The following STIMATE variants were observed in gnomAD, a reference collection of about 807,000 sequenced individuals.
STIMATE encodes the protein store-operated calcium entry regulator STIMATE.
In STIMATE, 15 loss-of-function variants were observed where a neutral mutation model predicts 36.7. That is an observed-to-expected ratio of 0.41 (90% confidence interval 0.27 to 0.63). The LOEUF is 0.63. STIMATE is among the 20% of genes least tolerant of loss of function. The pLI, the probability that STIMATE is intolerant of heterozygous loss-of-function variation, is 0.32. For missense variants in STIMATE, 305 were observed against 397.3 expected (o/e 0.77, Z 1.98); for synonymous variants, 163 against 162.3 (o/e 1.00, Z -0.03).
At chr3:52,880,259 C>T (rs1280110636) in intron 1 of STIMATE, among the ~76,000 whole-genome samples, 1 of 152,208 alleles carries the variant, frequency 6.6e-6, no homozygotes, top group Non-Finnish European at 1.5e-5. Flanking sequence ...CTGACGTGCT[C>T]TTCACCAAGC....
At chr3:52,896,244 A>G (rs1003378938) in intron 1 of STIMATE, among the ~76,000 whole-genome samples, 1 of 152,220 alleles carries the variant, frequency 6.6e-6, no homozygotes, top group Non-Finnish European at 1.5e-5. Context: ...TGAGTACCCC[A>G]AAGCATACTT....
At position 52,840,509 on chromosome 3, in the gene STIMATE, A is replaced by G. The variant is rs1285344938; in HGVS notation, c.870T>C (p.Phe290=). Residue 290 remains phenylalanine (F), a synonymous_variant, in exon 8 of 8, where the codon TTT becomes TTC. Coordinates refer to ENST00000355083, the MANE Select transcript of STIMATE (RefSeq NM_198563.5). ...LKPVKKKKHR[F]GLPV ...TGGGAATGTGTCATACGGGTAGCCC[A>G]AAGCGGTGCTTCTTTTTCTTCACAG... The G allele has an allele frequency of 6.2e-7, 1 of 1,613,904 alleles. No homozygotes were observed. The highest frequency in any genetic ancestry group is 8.5e-7 in the Non-Finnish European group (1 of 1,179,878).
chr3:52,864,283 C>T (rs942354887), intron 1 of STIMATE, among the ~76,000 whole-genome samples: 1 of 152,220 alleles, frequency 6.6e-6, no homozygotes, highest in African/African-American at 2.4e-5. Flanking sequence ...TCTGTGCACT[C>T]GCAGGCTCAA....
chr3:52,862,091 G>C (rs920314133), intron 1 of STIMATE, among the ~76,000 whole-genome samples: 1 of 152,118 alleles, frequency 6.6e-6, no homozygotes. Flanking sequence ...TAGCCAAGTT[G>C]TCTCCTGCCC....
chr3:52,880,557 G>A (rs531230163), intron 1 of STIMATE, among the ~76,000 whole-genome samples: 1 of 152,308 alleles, frequency 6.6e-6, no homozygotes, highest in Admixed American at 6.5e-5. Context: ...AGCAGAGAAC[G>A]AAGACTCAGC....
At chr3:52,853,992 C>T (rs1265811369) in intron 2 of STIMATE, among the ~76,000 whole-genome samples, 1 of 152,162 alleles carries the variant, frequency 6.6e-6, no homozygotes, top group African/African-American at 2.4e-5. Context: ...GAAGCTTTAC[C>T]ACCATTTCAC....
intron 1 of STIMATE, among the ~76,000 whole-genome samples, chr3:52,875,157 T>G (rs1230570613): frequency 6.6e-6 from 1 of 152,246 alleles, no homozygotes; most frequent in Non-Finnish European, 1.5e-5. Context: ...ATGTTCATTG[T>G]GTATGTTTCT....
At chr3:52,868,527 C>T (rs1192611443) in intron 1 of STIMATE, among the ~76,000 whole-genome samples, 3 of 152,290 alleles carry the variant, frequency 2.0e-5, no homozygotes, top group African/African-American at 7.2e-5. Context: ...TTCAGTTGTC[C>T]ACTTCATGGG....
chr3:52,842,646 A>G (rs1225619483), intron 7 of STIMATE, among the ~76,000 whole-genome samples, 165 bp downstream of exon 7: 2 of 152,198 alleles, frequency 1.3e-5, no homozygotes, highest in East Asian at 3.9e-4. Context: ...GGCTGGACAG[A>G]GCTGTCTGCC....
At chr3:52,852,786 A>G (rs1433488304) in intron 2 of STIMATE, 88 bp from the exon 3 acceptor site, 12 of 1,513,152 alleles carry the variant, frequency 7.9e-6, no homozygotes, top group Non-Finnish European at 1.1e-5. Context: ...AACAGGAAGA[A>G]AGCCACCCCA....
chr3:52,840,845 G>A (rs7638524), intron 7 of STIMATE, among the ~76,000 whole-genome samples: 37,930 of 151,830 alleles, frequency 0.25, 5,022 homozygotes, highest in Admixed American at 0.38. Context: ...TTACAGGTGC[G>A]TGGCACCATG....
At position 52,861,890 on chromosome 3, in the gene STIMATE, T is replaced by C. The variant is rs149279681; in HGVS notation, c.161-6446A>G. Among the ~76,000 whole-genome samples the C allele has an allele frequency of 7.2e-3, 1,090 of 152,266 alleles. 113 individuals carry two copies. The South Asian group carries it at 0.2, about 28-fold the overall frequency. On this transcript the variant is annotated intron_variant, in intron 1 of 7. Transcript: ENST00000355083. The stretch of plus-strand genomic sequence containing the variant: ...GCTCACCTCCCTGCCATCCTCTCAA[T>C]GCTCTGAATGTTCTCCTCTATCTCC...
chr3:52,840,563 C>G lies in STIMATE; in HGVS notation c.816G>C (p.Glu272Asp), dbSNP rs747742476. 1.9e-6 allele frequency: 3 copies of G among 1,614,054 alleles called. No individual in the cohort carries two copies. The highest frequency in any genetic ancestry group is 2.5e-6 in the Non-Finnish European group (3 of 1,180,002). Residue 272 changes from glutamate (E) to aspartate (D), a missense_variant, in exon 8 of 8, where the codon GAG (glutamate) becomes GAC (aspartate). Glu to Asp is a conservative substitution (Grantham distance 45, BLOSUM62 2). Coordinates refer to ENST00000355083, the MANE Select transcript of STIMATE (RefSeq NM_198563.5). ...TGAGGGGGGTCAGTCTGCGGAGGTC[C>G]TCCTCCACGTCGGACTCCTCCATCT... is the stretch of plus-strand genomic sequence containing the variant. Reference protein sequence around the residue: ...DDEMEESDVEEDLRRLTPLKP... With the variant: ...DDEMEESDVEDDLRRLTPLKP...
At chr3:52,893,213 G>C (rs566974277) in intron 1 of STIMATE, among the ~76,000 whole-genome samples, 1 of 152,234 alleles carries the variant, frequency 6.6e-6, no homozygotes, top group Non-Finnish European at 1.5e-5. Flanking sequence ...ACTATGGACT[G>C]GATATGAGAT....
chr3:52,877,691 C>T (rs187422216), intron 1 of STIMATE, among the ~76,000 whole-genome samples: 145 of 152,326 alleles, frequency 9.5e-4, no homozygotes, highest in African/African-American at 3.2e-3. Context: ...GGTTGTGTGA[C>T]GTGGCGGCCA....
intron 1 of STIMATE, among the ~76,000 whole-genome samples, chr3:52,860,340 C>T (rs1701196855): frequency 1.3e-5 from 2 of 151,766 alleles, no homozygotes; most frequent in South Asian, 2.1e-4. Flanking sequence ...AGGGCTGGCA[C>T]GTGGGGTCTG....
chr3:52,859,024 T>G (rs1177822557), intron 1 of STIMATE, among the ~76,000 whole-genome samples: 3 of 151,874 alleles, frequency 2.0e-5, no homozygotes, highest in African/African-American at 4.8e-5. Context: ...TAGCTGGGTG[T>G]GGTGGCGCGT....
intron 1 of STIMATE, among the ~76,000 whole-genome samples, chr3:52,888,003 T>G (rs1025096526): frequency 7.3e-6 from 1 of 137,432 alleles, no homozygotes; most frequent in African/African-American, 2.7e-5. Context: ...AGTTTTTTTT[T>G]TTTTTTTTTT....
chr3:52,873,252 G>C (rs1701439556), intron 1 of STIMATE, among the ~76,000 whole-genome samples: 1 of 152,164 alleles, frequency 6.6e-6, no homozygotes, highest in Non-Finnish European at 1.5e-5. Flanking sequence ...AGGAGCGAGG[G>C]GGCATTATCA....
Sources: allele counts gnomAD v4.1 joint callset (sites outside exome capture counted in the v4.1 genomes callset), GRCh38; gene constraint gnomAD v4.1.1; transcripts MANE v1.5; gene names NCBI Gene and HGNC (gene_info 2026-07-23, HGNC 2026-07-21).